Variants in PALS1 observed in about 807,000 individuals in gnomAD.
The protein encoded by PALS1 is protein PALS1.
In PALS1, 31 loss-of-function variants were observed where a neutral mutation model predicts 78.9. That is an observed-to-expected ratio of 0.39 (90% CI 0.30 to 0.53). The LOEUF (loss-of-function observed/expected upper bound fraction) is 0.53. Among genes scored for constraint, PALS1 ranks in the 20% least tolerant of loss-of-function variants. The probability of loss-of-function intolerance (pLI) is 0.67; values close to 1 mark genes in which losing one functional copy is unlikely to be tolerated. For synonymous variants in PALS1, 276 were observed against 270.9 expected, an observed-to-expected ratio of 1.02 and a Z score of -0.18; for missense variants, 704 against 826.5, an observed-to-expected ratio of 0.85 and a Z score of 1.82.
At position 67,323,783 on chromosome 14, in the gene PALS1, T is replaced by C. The variant is rs760908887; in HGVS notation, c.1822T>C (p.Leu608=). 32 of 1,591,488 alleles carry C rather than the reference T, an allele frequency of 2.0e-5. No individual in the cohort carries two copies. Among genetic ancestry groups the C allele is most frequent in the Non-Finnish European group, 2.7e-5 (31 of 1,168,948 alleles). ...APPSQERLRA[L]LAKEGKNPKP... is the part of the protein sequence containing the mutation. ...CCCTTCACAAGAAAGACTTCGGGCA[T>C]TATTGGCCAAAGAAGGCAAGAATCC... Residue 608 remains leucine (L), a synonymous_variant, in exon 14 of 15, where the codon TTA becomes CTA. Coordinates refer to ENST00000261681, the MANE Select transcript of PALS1 (RefSeq NM_022474.4).
At chr14:67,245,001 GT>G (rs2083967015) in intron 1 of PALS1, among the ~76,000 whole-genome samples, 1 of 152,212 alleles carries the variant, frequency 6.6e-6, no homozygotes, top group African/African-American at 2.4e-5. Flanking sequence ...GAAGTGCAAA[GT>G]TGCTGGCTTT....
chr14:67,332,786 G>A lies in PALS1; in HGVS notation c.1858G>A (p.Glu620Lys). Residue 620 changes from glutamate (E) to lysine (K), a missense_variant, in exon 15 of 15, where the codon GAG becomes AAG. Glu to Lys is a moderately conservative substitution (Grantham distance 56). Transcript: ENST00000261681. The stretch of plus-strand genomic sequence containing the variant: ...TTTTATCTTCTGTTTGCAGCCTGAA[G>A]AGTTGAGAGAAATCATTGAGAAGAC... ...AKEGKNPKPEELREIIEKTRE... is the reference protein window; with the variant it reads ...AKEGKNPKPEKLREIIEKTRE... 1 of 1,608,852 alleles carries A rather than the reference G, an allele frequency of 6.2e-7. No individual in the cohort carries two copies. Among genetic ancestry groups the A allele is most frequent in the Non-Finnish European group, 8.5e-7 (1 of 1,176,114 alleles).
chr14:67,258,872 C>T (rs1328857545), intron 1 of PALS1, among the ~76,000 whole-genome samples: 3 of 152,094 alleles, frequency 2.0e-5, no homozygotes, highest in East Asian at 3.9e-4. Context: ...GATGGAGTCT[C>T]TCTCTGTTTC....
At chr14:67,332,744 A>G (rs1373293177) in intron 14 of PALS1, 36 bp from the exon 15 acceptor site, 1 of 1,575,472 alleles carries the variant, frequency 6.3e-7, no homozygotes, top group Non-Finnish European at 8.6e-7. Context: ...TGGTTAGGAA[A>G]GGAATTATCT....
chr14:67,308,971 A>C (rs1465822977), intron 8 of PALS1, among the ~76,000 whole-genome samples: 1 of 152,194 alleles, frequency 6.6e-6, no homozygotes, highest in Non-Finnish European at 1.5e-5. Flanking sequence ...CCATTTCATC[A>C]TTACGACTTC....
At chr14:67,284,035 A>G (rs2084640830) in intron 3 of PALS1, among the ~76,000 whole-genome samples, 2 of 152,058 alleles carry the variant, frequency 1.3e-5, no homozygotes, top group African/African-American at 4.8e-5. Flanking sequence ...ATGTTACTCA[A>G]TTTTTCTGAG....
intron 8 of PALS1, among the ~76,000 whole-genome samples, chr14:67,307,721 T>G (rs894089153): frequency 1.3e-5 from 2 of 152,132 alleles, no homozygotes; most frequent in African/African-American, 2.4e-5. Context: ...TTCACTATTT[T>G]CTCTTCTACA....
chr14:67,272,156 T>A (rs2084419005), intron 2 of PALS1: 1 of 152,216 alleles, frequency 6.6e-6, no homozygotes, highest in African/African-American at 2.4e-5. Context: ...TCCTCTTTTT[T>A]AAATCTTTGA....
At chr14:67,308,355 C>T (rs1324269116) in intron 8 of PALS1, among the ~76,000 whole-genome samples, 1 of 147,214 alleles carries the variant, frequency 6.8e-6, no homozygotes, top group Admixed American at 6.9e-5. Context: ...ATTTTGAGGG[C>T]GTCACCAATG....
intron 1 of PALS1, among the ~76,000 whole-genome samples, chr14:67,248,161 A>G (rs1160793427): frequency 6.6e-6 from 1 of 152,118 alleles, no homozygotes; most frequent in African/African-American, 2.4e-5. Context: ...TGTTTCTGGG[A>G]CTAACTCTGG....
chr14:67,244,737 A>G (rs779255045), intron 1 of PALS1, among the ~76,000 whole-genome samples: 12 of 152,192 alleles, frequency 7.9e-5, no homozygotes, highest in Admixed American at 1.3e-4. Context: ...GGTATAGCCT[A>G]ATTTTATCTT....
Position 67,303,583 on chromosome 14 carries a change from C to G in PALS1, c.1025C>G (p.Pro342Arg), listed in dbSNP as rs2084959505. 1.2e-6 allele frequency: 2 copies of G among 1,613,210 alleles called. No homozygotes were observed. Among genetic ancestry groups the G allele is most frequent in the South Asian group, 2.2e-5 (2 of 91,066 alleles). Residue 342 changes from proline (P) to arginine (R), a missense_variant, in exon 8 of 15, where the codon CCT becomes CGT. Pro to Arg is a moderately radical substitution (Grantham distance 103). Transcript: ENST00000261681. ...CCCAGTCAACAGATCAAGCCGCCTCCTGCCAAGGAAACAGTAGTAAGTGAT... is the reference window on the plus strand; with the variant it reads ...CCCAGTCAACAGATCAAGCCGCCTCGTGCCAAGGAAACAGTAGTAAGTGAT... ...LIPSQQIKPP[P>R]AKETVIHVKA...
intron 2 of PALS1, chr14:67,270,175 C>T (rs1003871033): frequency 6.6e-6 from 1 of 152,132 alleles, no homozygotes; most frequent in Non-Finnish European, 1.5e-5. Flanking sequence ...CTATTTCAGT[C>T]CCTCCAGTCT....
intron 14 of PALS1, among the ~76,000 whole-genome samples, chr14:67,332,363 A>G (rs1215624822): frequency 3.3e-5 from 5 of 152,212 alleles, no homozygotes; most frequent in Admixed American, 2.0e-4. Context: ...AGCCAAAAGT[A>G]AATGGCATTT....
intron 1 of PALS1, among the ~76,000 whole-genome samples, chr14:67,242,197 ACT>A (rs1372594079): frequency 2.6e-5 from 4 of 152,194 alleles, no homozygotes; most frequent in Non-Finnish European, 5.9e-5. Flanking sequence ...AATGATCATA[ACT>A]CACCTTCTGT....
At chr14:67,273,547 A>C (rs984240939) in intron 2 of PALS1, among the ~76,000 whole-genome samples, 46 of 152,186 alleles carry the variant, frequency 3.0e-4, no homozygotes, top group African/African-American at 9.4e-4. Flanking sequence ...GTTGGTTCCA[A>C]GTCTTTGCTA....
intron 1 of PALS1, among the ~76,000 whole-genome samples, chr14:67,264,622 T>A (rs971945757): frequency 5.9e-5 from 9 of 152,218 alleles, no homozygotes; most frequent in Non-Finnish European, 1.2e-4. Flanking sequence ...ATAAATTTTT[T>A]AATAAAATTT....
intron 2 of PALS1, among the ~76,000 whole-genome samples, 182 bp from the exon 3 acceptor site, chr14:67,278,836 G>A (rs1431142089): frequency 6.6e-6 from 1 of 151,986 alleles, no homozygotes; most frequent in African/African-American, 2.4e-5. Context: ...ACTTTTTGGG[G>A]GAGGGGGGAA....
chr14:67,292,711 G>C lies in PALS1; in HGVS notation c.568G>C (p.Ala190Pro). The C allele has an allele frequency of 1.2e-6, 2 of 1,613,030 alleles. No individual in the cohort carries two copies. Among genetic ancestry groups the C allele is most frequent in the Non-Finnish European group, 1.7e-6 (2 of 1,179,260 alleles). Residue 190 changes from alanine to proline, a missense_variant, in exon 4 of 15, where the codon GCT becomes CCT. Coordinates refer to ENST00000261681, the MANE Select transcript of PALS1 (RefSeq NM_022474.4). ...FPLISNAQDL[A>P]QEVQTVLKPV... ...TCTTATCTCCAACGCACAAGATCTT[G>C]CTCAAGAGGTATGTATTCTAAACAT...
Sources: allele counts gnomAD v4.1 joint callset (sites outside exome capture counted in the v4.1 genomes callset), GRCh38; gene constraint gnomAD v4.1.1; transcripts MANE v1.5; gene names NCBI Gene and HGNC (gene_info 2026-07-23, HGNC 2026-07-21).